TRAPPC9: variants seen among roughly 807,000 people sequenced by gnomAD.
TRAPPC9 encodes trafficking protein particle complex subunit 9.
A neutral mutation model predicts 124.0 loss-of-function variants in TRAPPC9; 83 were observed. That is an observed-to-expected ratio of 0.67 (90% confidence interval 0.56 to 0.80). The LOEUF is 0.80. TRAPPC9 is among the 30% of genes least tolerant of loss of function. The pLI, the probability that TRAPPC9 is intolerant of heterozygous loss-of-function variation, is 0.00. For missense variants in TRAPPC9, 1,302 were observed against 1,508.3 expected, an observed-to-expected ratio of 0.86 and a Z score of 2.27; for synonymous variants, 638 against 617.5, an observed-to-expected ratio of 1.03 and a Z score of -0.49.
chr8:140,079,847 T>C (rs7823518), intron 17 of TRAPPC9, among the ~76,000 whole-genome samples: 52,363 of 152,012 alleles, frequency 0.34, 10,963 homozygotes, highest in Middle Eastern at 0.53. Context: ...GGAGAATCGC[T>C]TGAACCTGGG....
At position 140,252,968 on chromosome 8, in the gene TRAPPC9, C is replaced by T; in HGVS notation, c.2279-39G>A. The T allele has an allele frequency of 6.2e-7, 1 of 1,607,142 alleles. No homozygotes were observed. The highest frequency in any genetic ancestry group is 1.1e-5 in the South Asian group (1 of 90,958). On this transcript the variant is annotated intron_variant, in intron 15 of 22. Coordinates refer to ENST00000438773, the MANE Select transcript of TRAPPC9 (RefSeq NM_001160372.4). This position sits in a 1 kb window ranked among gnomAD's most constrained non-coding sequence, Gnocchi z 4.2. The stretch of plus-strand genomic sequence containing the variant: ...AATGACAGTGATGAGGATGCTGTAA[C>T]TGAGGCAGTATGGGACTTACCAATC...
chr8:140,118,177 C>A (rs1407437795), intron 17 of TRAPPC9, among the ~76,000 whole-genome samples: 1 of 152,194 alleles, frequency 6.6e-6, no homozygotes, highest in Non-Finnish European at 1.5e-5. Flanking sequence ...CGCTTTGATA[C>A]CGAGGAGCAA....
intron 18 of TRAPPC9, among the ~76,000 whole-genome samples, chr8:139,993,085 T>C (rs1190406955): frequency 2.6e-5 from 4 of 152,254 alleles, no homozygotes; most frequent in South Asian, 2.1e-4. Context: ...TTTGGTACAA[T>C]GAAAAACATC....
intron 2 of TRAPPC9, among the ~76,000 whole-genome samples, chr8:140,448,988 C>T (rs943303173): frequency 6.6e-6 from 1 of 152,152 alleles, no homozygotes; most frequent in Non-Finnish European, 1.5e-5. Context: ...CTACAGCATG[C>T]CTTTTCCTTT....
intron 17 of TRAPPC9, among the ~76,000 whole-genome samples, chr8:140,193,752 A>G (rs2062560313): frequency 6.6e-6 from 1 of 152,114 alleles, no homozygotes. Context: ...CTTTGAGGTC[A>G]GGTGACCAAG....
chr8:140,393,032 T>TTTTTTTTTTATTTTATTTTA (rs574235886), intron 7 of TRAPPC9, among the ~76,000 whole-genome samples: 3 of 138,024 alleles, frequency 2.2e-5, no homozygotes, highest in Non-Finnish European at 4.7e-5. Context: ...TCCCATTTTA[T>TTTTTTTTTTATTTTATTTTA]TTTTATTTTA....
Position 140,283,513 on chromosome 8 carries a change from G to A in TRAPPC9, c.2114+376C>T, listed in dbSNP as rs570140415. Among the ~76,000 whole-genome samples, 5 of 151,064 alleles carry A rather than the reference G, an allele frequency of 3.3e-5. No homozygotes were observed. The East Asian group carries it at 8.0e-4, about 24-fold the overall frequency. On this transcript the variant is annotated intron_variant, in intron 14 of 22. Transcript: ENST00000438773. ...GGGGTTTCACCGTGTTAGCCAGGAT[G>A]GTCTCAATATCCTGACCTTGTGATC...
Position 140,081,346 on chromosome 8 carries a change from C to CTTTTT in TRAPPC9, c.2557-57272_2557-57268dup, listed in dbSNP as rs1554620187. Among the ~76,000 whole-genome samples, 3 of 141,048 alleles carry CTTTTT rather than the reference C, an allele frequency of 2.1e-5. 1 individual carries two copies. Among genetic ancestry groups the CTTTTT allele is most frequent in the South Asian group, 2.2e-4 (1 of 4,460 alleles). The allele number at this position is 141,048 out of a possible 152,430, so 92.5% of individuals were successfully genotyped here. A position where few individuals can be genotyped will look rare whatever the true frequency, so the allele number is the denominator to read the frequency against. On this transcript the variant is annotated intron_variant, in intron 17 of 22. Coordinates refer to ENST00000438773, the MANE Select transcript of TRAPPC9 (RefSeq NM_001160372.4). ...GTCAAGGTGAAGAATAAAATGAATGCTTTTTTTTTTTTTTTTTGAGACAGA... is the reference window on the plus strand; with the variant it reads ...GTCAAGGTGAAGAATAAAATGAATGCTTTTTTTTTTTTTTTTTTTTTTGAGACAGA...
At chr8:140,434,463 C>T (rs1010711788) in intron 4 of TRAPPC9, among the ~76,000 whole-genome samples, 2 of 152,178 alleles carry the variant, frequency 1.3e-5, no homozygotes, top group African/African-American at 4.8e-5. Flanking sequence ...TAAGAAACTG[C>T]TCCCAGGCCC....
In TRAPPC9 at chr8:140,369,459, A is replaced by G. The variant is rs565860979; in HGVS notation, c.1351+1505T>C. Among the ~76,000 whole-genome samples, 3 of 152,344 alleles carry G rather than the reference A, an allele frequency of 2.0e-5. No homozygotes were observed. In the South Asian group the frequency reaches 6.2e-4, roughly 32 times the overall value. On this transcript the variant is annotated intron_variant, in intron 8 of 22. Coordinates refer to ENST00000438773, the MANE Select transcript of TRAPPC9 (RefSeq NM_001160372.4). ...GTATAACGAACTACCTGTTGAATCAATGTACAAAAAAGTCCAGTAGATGTC... is the reference window on the plus strand; with the variant it reads ...GTATAACGAACTACCTGTTGAATCAGTGTACAAAAAAGTCCAGTAGATGTC...
At chr8:139,940,663 T>C (rs565085640) in intron 19 of TRAPPC9, among the ~76,000 whole-genome samples, 14 of 152,072 alleles carry the variant, frequency 9.2e-5, no homozygotes, top group African/African-American at 3.1e-4. Context: ...GCAGCTCCAC[T>C]GTCACCCACA....
chr8:140,193,676 A>G (rs192408838), intron 17 of TRAPPC9, among the ~76,000 whole-genome samples: 7 of 151,664 alleles, frequency 4.6e-5, no homozygotes, highest in Non-Finnish European at 5.9e-5. Context: ...CTACTGCTAG[A>G]AAGTCCACTG....
intron 21 of TRAPPC9, among the ~76,000 whole-genome samples, chr8:139,849,149 G>A (rs1450773219): frequency 6.6e-6 from 1 of 152,178 alleles, no homozygotes; most frequent in Non-Finnish European, 1.5e-5. Context: ...AAATTGCATT[G>A]AGCCTTCGTC....
rs144280856 is a variant in TRAPPC9, at chr8:140,206,630, A to G, written c.2556+14829T>C. Among the ~76,000 whole-genome samples, 376 of 152,186 alleles carry G rather than the reference A, an allele frequency of 2.5e-3. 3 individuals are homozygous for G. Among genetic ancestry groups the G allele is most frequent in the African/African-American group, 8.5e-3 (351 of 41,512 alleles). On this transcript the variant is annotated intron_variant, in intron 17 of 22. Transcript: ENST00000438773. ...CTGCATTAAGGAGTCTGGATCTTTA[A>G]AGTGGCATTCAGGATTCTTCACTTG...
At chr8:140,114,495 G>T (rs2060842076) in intron 17 of TRAPPC9, among the ~76,000 whole-genome samples, 1 of 152,192 alleles carries the variant, frequency 6.6e-6, no homozygotes. Context: ...TTTGAATTAA[G>T]CTTGATCAGA....
intron 21 of TRAPPC9, among the ~76,000 whole-genome samples, chr8:139,842,566 T>G (rs1826798082): frequency 6.6e-6 from 1 of 152,216 alleles, no homozygotes; most frequent in Non-Finnish European, 1.5e-5. Context: ...CATTTGTAAA[T>G]TGAATCAACA....
At position 139,776,340 on chromosome 8, in the gene TRAPPC9, T is replaced by C. The variant is rs1217365433; in HGVS notation, c.3056-44138A>G. Among the ~76,000 whole-genome samples the C allele has an allele frequency of 6.6e-6, 1 of 152,228 alleles. No individual in the cohort carries two copies. The highest frequency in any genetic ancestry group is 1.5e-5 in the Non-Finnish European group (1 of 68,052). ...GGACGTCAGCTGCTATGTGACGTCA[T>C]CTCACTCGTCACAACATAGTATTGA... is the stretch of plus-strand genomic sequence containing the variant. On this transcript the variant is annotated intron_variant, in intron 21 of 22. Coordinates refer to ENST00000438773, the MANE Select transcript of TRAPPC9 (RefSeq NM_001160372.4). This position sits in a 1 kb window ranked among gnomAD's most constrained non-coding sequence, Gnocchi z 4.1.
At chr8:139,886,028 A>G in intron 20 of TRAPPC9, 59 bp from the exon 21 acceptor site, 1 of 1,483,248 alleles carries the variant, frequency 6.7e-7, no homozygotes, top group Non-Finnish European at 9.2e-7. Flanking sequence ...AAGAACGTCT[A>G]GAAGTCTCTA....
chr8:139,804,262 CCA>C (rs1343342264), intron 21 of TRAPPC9, among the ~76,000 whole-genome samples: 12 of 139,916 alleles, frequency 8.6e-5, no homozygotes, highest in South Asian at 4.6e-4. Flanking sequence ...AACACCACCA[CCA>C]CACACACAAC....
Sources: allele counts gnomAD v4.1 joint callset (sites outside exome capture counted in the v4.1 genomes callset), GRCh38; gene constraint gnomAD v4.1.1; non-coding constraint Gnocchi (gnomAD v3.1); transcripts MANE v1.5; gene names NCBI Gene and HGNC (gene_info 2026-07-23, HGNC 2026-07-21).